The following TMBIM1 variants were observed in gnomAD, a reference collection of about 807,000 sequenced individuals.
TMBIM1 encodes the protein protein lifeguard 3.
A neutral mutation model predicts 45.1 loss-of-function variants in TMBIM1; 34 were observed. That is an observed-to-expected ratio of 0.75 (90% CI 0.57 to 1.00). The LOEUF (loss-of-function observed/expected upper bound fraction) is 1.00. Ranked by LOEUF, TMBIM1 falls within the 50% of genes least tolerant of loss-of-function variation. The pLI, the probability that TMBIM1 is intolerant of heterozygous loss-of-function variation, is 0.00. For synonymous variants in TMBIM1, 157 were observed against 153.5 expected (o/e 1.02, Z -0.17); for missense variants, 374 against 402.4 (o/e 0.93, Z 0.60).
chr2:218,276,896 G>A (rs1176791624), intron 10 of TMBIM1, 108 bp downstream of exon 10: 12 of 856,558 alleles, frequency 1.4e-5, no homozygotes, highest in Non-Finnish European at 1.9e-5. Flanking sequence ...AGAGGTTCTG[G>A]AGGTCAGAGC....
At chr2:218,290,592 G>A (rs962685107) in intron 1 of TMBIM1, among the ~76,000 whole-genome samples, 2 of 152,246 alleles carry the variant, frequency 1.3e-5, no homozygotes, top group Non-Finnish European at 2.9e-5. Context: ...GCCAAGGGCC[G>A]GGGGACATAT....
At chr2:218,275,980 C>T (rs1348977590) in intron 11 of TMBIM1, 46 bp downstream of exon 11, 3 of 1,586,298 alleles carry the variant, frequency 1.9e-6, no homozygotes, top group Non-Finnish European at 2.6e-6. Context: ...TAGATTCCTC[C>T]CCTCATCCCC....
chr2:218,277,370 G>C lies in TMBIM1; in HGVS notation c.635C>G (p.Thr212Ser). The part of the protein sequence containing the change: ...SISVTIFCFQ[T>S]KVDFTSCTGL... The stretch of plus-strand genomic sequence containing the variant: ...AAGGGCCCTCCATGCCCTCACCTTG[G>C]TCTGAAAGCAGAAGATGGTGACTGA... Residue 212 changes from threonine (T) to serine (S), a missense_variant, in exon 9 of 12, where the codon ACC (threonine) becomes AGC (serine). Physicochemically the swap from Thr to Ser is moderately conservative, Grantham distance 58. Coordinates refer to ENST00000258412, the MANE Select transcript of TMBIM1 (RefSeq NM_022152.6). 6.2e-7 allele frequency: 1 copy of C among 1,614,052 alleles called. No homozygotes were observed. The highest frequency in any genetic ancestry group is 8.5e-7 in the Non-Finnish European group (1 of 1,179,944).
chr2:218,282,133 G>T lies in TMBIM1; in HGVS notation c.9C>A (p.Asn3Lys). 2.6e-6 allele frequency: 4 copies of T among 1,510,052 alleles called. No homozygotes were observed. Among genetic ancestry groups the T allele is most frequent in the Non-Finnish European group, 3.5e-6 (4 of 1,130,778 alleles). 93.5% of individuals were successfully genotyped at this position (1,510,052 alleles called of 1,614,324 possible). Residue 3 changes from asparagine to lysine, a missense_variant, in exon 2 of 12, where the codon AAC becomes AAA. Physicochemically the swap from Asn to Lys is moderately conservative, Grantham distance 94. Transcript: ENST00000258412. ...CTTCATATGGTGGTGGGGCGCTGGGGTTGGACATGGCTGCTCACGGGCTGA... is the reference window on the plus strand; with the variant it reads ...CTTCATATGGTGGTGGGGCGCTGGGTTTGGACATGGCTGCTCACGGGCTGA... MSNPSAPPPYEDR... is the reference protein window; with the variant it reads MSKPSAPPPYEDR...
At chr2:218,278,051 G>A (rs1691428336) in intron 6 of TMBIM1, 77 bp from the exon 7 acceptor site, 2 of 1,514,032 alleles carry the variant, frequency 1.3e-6, no homozygotes, top group East Asian at 2.3e-5. Flanking sequence ...AGAAGGAAGC[G>A]CTTGGCTCCT....
chr2:218,275,673 C>A, intron 11 of TMBIM1, 52 bp from the exon 12 acceptor site: 1 of 1,576,668 alleles, frequency 6.3e-7, no homozygotes, highest in South Asian at 1.2e-5. Context: ...GTGTCCAGAG[C>A]TCATTTTTGG....
intron 5 of TMBIM1, among the ~76,000 whole-genome samples, 177 bp downstream of exon 5, chr2:218,278,861 A>G (rs1691547854): frequency 6.6e-6 from 1 of 152,218 alleles, no homozygotes; most frequent in Admixed American, 6.5e-5. Flanking sequence ...CTCGAGTTCT[A>G]GGGGTCTGCT....
chr2:218,282,980 G>A (rs746759593), intron 1 of TMBIM1, among the ~76,000 whole-genome samples: 18 of 152,150 alleles, frequency 1.2e-4, no homozygotes, highest in Admixed American at 6.5e-5. Flanking sequence ...GTGAGTGCAC[G>A]GCCCCTCGCC....
chr2:218,282,590 G>A (rs1285317679), intron 1 of TMBIM1, among the ~76,000 whole-genome samples: 1 of 152,224 alleles, frequency 6.6e-6, no homozygotes, highest in Non-Finnish European at 1.5e-5. Context: ...AGGGCCAGCT[G>A]GGACCCTCTG....
chr2:218,291,379 C>A (rs1242961516), intron 1 of TMBIM1, among the ~76,000 whole-genome samples: 2 of 152,212 alleles, frequency 1.3e-5, no homozygotes, highest in Non-Finnish European at 2.9e-5. Context: ...CCAGGAGGCA[C>A]CTGGCTCCCC....
chr2:218,278,891 C>G (rs1691550933), intron 5 of TMBIM1, 147 bp downstream of exon 5: 1 of 908,220 alleles, frequency 1.1e-6, no homozygotes, highest in Non-Finnish European at 1.7e-6. Flanking sequence ...GGCACGCACA[C>G]CCACACCCTC....
At chr2:218,278,827 C>T (rs1208110745) in intron 5 of TMBIM1, among the ~76,000 whole-genome samples, 1 of 152,208 alleles carries the variant, frequency 6.6e-6, no homozygotes, top group Non-Finnish European at 1.5e-5. Context: ...GTGCACGCCA[C>T]CACCAGCAGG....
Position 218,275,219 on chromosome 2 carries a change from C to T in TMBIM1, c.*256G>A, listed in dbSNP as rs182481983. 3 of 373,444 alleles carry T rather than the reference C, an allele frequency of 8.0e-6. No homozygotes were observed. The highest frequency in any genetic ancestry group is 4.5e-5 in the Admixed American group (1 of 22,094). The allele number at this position is 373,444 out of a possible 1,614,324, so 23.1% of individuals were successfully genotyped here. A position where few individuals can be genotyped will look rare whatever the true frequency, so the allele number is the denominator to read the frequency against. Reference sequence around the variant, plus strand: ...GAATGTGGTGTCATACAGTAGGTGGCGGGGAGAAGACACATCTTCAGCCTA... The same window carrying T: ...GAATGTGGTGTCATACAGTAGGTGGTGGGGAGAAGACACATCTTCAGCCTA... On this transcript the variant is annotated 3_prime_UTR_variant, in exon 12 of 12. Coordinates refer to ENST00000258412, the MANE Select transcript of TMBIM1 (RefSeq NM_022152.6).
intron 6 of TMBIM1, 57 bp from the exon 7 acceptor site, chr2:218,278,031 C>G (rs1342665781): frequency 6.3e-7 from 1 of 1,596,278 alleles, no homozygotes; most frequent in Non-Finnish European, 8.6e-7. Flanking sequence ...GCGTCAGAGG[C>G]TCCTACAGCA....
Position 218,277,680 on chromosome 2 carries a change from G to A in TMBIM1, c.514-10C>T. 3 of 1,614,168 alleles carry A rather than the reference G, an allele frequency of 1.9e-6. No individual in the cohort carries two copies. The South Asian group carries it at 3.3e-5, about 18-fold the overall frequency. The stretch of plus-strand genomic sequence containing the variant: ...AGCCCATGGCAAAAGTCTAAGGGAA[G>A]GAGAGAGACAAGAATGAAACACTTA... On this transcript the variant is annotated splice_polypyrimidine_tract_variant and intron_variant, in intron 7 of 11. Coordinates refer to ENST00000258412, the MANE Select transcript of TMBIM1 (RefSeq NM_022152.6).
intron 1 of TMBIM1, among the ~76,000 whole-genome samples, chr2:218,288,376 T>A (rs996223925): frequency 3.3e-5 from 5 of 151,628 alleles, no homozygotes; most frequent in African/African-American, 1.2e-4. Context: ...TTGCAGTGAG[T>A]CAAAATGGCG....
At chr2:218,284,963 G>A (rs906364729) in intron 1 of TMBIM1, among the ~76,000 whole-genome samples, 9 of 152,232 alleles carry the variant, frequency 5.9e-5, no homozygotes, top group Middle Eastern at 3.4e-3. Flanking sequence ...GGCAGCAGGC[G>A]CCTAGAATCC....
intron 11 of TMBIM1, 25 bp downstream of exon 11, chr2:218,276,001 T>C (rs928249235): frequency 1.2e-6 from 2 of 1,606,012 alleles, no homozygotes; most frequent in Non-Finnish European, 1.7e-6. Flanking sequence ...TCAGCTCCCC[T>C]TCCTAGAGTG....
At chr2:218,292,103 C>T (rs1692967032) in intron 1 of TMBIM1, among the ~76,000 whole-genome samples, 1 of 152,324 alleles carries the variant, frequency 6.6e-6, no homozygotes, top group East Asian at 1.9e-4. Context: ...ACACAGCTGG[C>T]CACTCGGGCT....
Sources: allele counts gnomAD v4.1 joint callset (sites outside exome capture counted in the v4.1 genomes callset), GRCh38; gene constraint gnomAD v4.1.1; transcripts MANE v1.5; gene names NCBI Gene and HGNC (gene_info 2026-07-23, HGNC 2026-07-21).